The following HPGDS variants were observed in gnomAD, a reference collection of about 807,000 sequenced individuals.
The protein encoded by HPGDS is GST class-sigma.
A neutral mutation model predicts 23.1 loss-of-function variants in HPGDS; 26 were observed. The ratio of observed to expected loss-of-function variants is 1.13; its 90% CI spans 0.83 to 1.56. The LOEUF (loss-of-function observed/expected upper bound fraction) is 1.56. Among genes scored for constraint, HPGDS ranks in the 40% most tolerant of loss-of-function variants. HPGDS has a pLI of 0.00. For missense variants in HPGDS, 268 were observed against 236.4 expected (o/e 1.13, Z -0.88); for synonymous variants, 95 against 77.9 (o/e 1.22, Z -1.16).
chr4:94,338,602 TAAAG>T (rs984046115), intron 1 of HPGDS, among the ~76,000 whole-genome samples: 56 of 152,104 alleles, frequency 3.7e-4, no homozygotes, highest in African/African-American at 1.3e-3. Flanking sequence ...CTTAACCATA[TAAAG>T]AGTCTCTACT....
intron 3 of HPGDS, among the ~76,000 whole-genome samples, chr4:94,316,106 T>G (rs1324875110): frequency 6.6e-6 from 1 of 152,182 alleles, no homozygotes; most frequent in Non-Finnish European, 1.5e-5. Flanking sequence ...TATAGTAGTA[T>G]TGAATAGAAG....
chr4:94,336,088 C>A (rs1216259916), intron 1 of HPGDS, among the ~76,000 whole-genome samples: 1 of 151,948 alleles, frequency 6.6e-6, no homozygotes, highest in Non-Finnish European at 1.5e-5. Flanking sequence ...CGCCTGTAAT[C>A]CCAGCTATTC....
intron 1 of HPGDS, among the ~76,000 whole-genome samples, chr4:94,342,097 A>T (rs949067662): frequency 1.3e-5 from 2 of 152,190 alleles, no homozygotes; most frequent in East Asian, 3.8e-4. Flanking sequence ...ATTTCAATCA[A>T]GCACTGGATG....
chr4:94,324,758 T>C (rs1038556775), intron 2 of HPGDS, among the ~76,000 whole-genome samples: 7 of 152,248 alleles, frequency 4.6e-5, no homozygotes, highest in Admixed American at 3.9e-4. Context: ...AGCCTACTTA[T>C]GTCAACTCGT....
At chr4:94,338,011 T>C in intron 1 of HPGDS, among the ~76,000 whole-genome samples, 1 of 152,250 alleles carries the variant, frequency 6.6e-6, no homozygotes, top group Non-Finnish European at 1.5e-5. Flanking sequence ...AACTCATTAA[T>C]GAAGCTGTAC....
intron 1 of HPGDS, among the ~76,000 whole-genome samples, chr4:94,339,070 TTC>T (rs1165304471): frequency 2.6e-5 from 4 of 152,306 alleles, no homozygotes; most frequent in Non-Finnish European, 4.4e-5. Context: ...GACTAAATGG[TTC>T]TGAGACTGAA....
intron 2 of HPGDS, among the ~76,000 whole-genome samples, chr4:94,331,190 T>C (rs1041101212): frequency 1.3e-5 from 2 of 152,174 alleles, no homozygotes; most frequent in African/African-American, 4.8e-5. Flanking sequence ...ACTTACTAAG[T>C]TAGGTTACAG....
intron 3 of HPGDS, among the ~76,000 whole-genome samples, chr4:94,314,597 TGAG>T (rs1756355474): frequency 6.6e-6 from 1 of 152,158 alleles, no homozygotes; most frequent in East Asian, 1.9e-4. Context: ...GAGACCCACT[TGAG>T]GAGGCAGTCT....
intron 2 of HPGDS, among the ~76,000 whole-genome samples, chr4:94,333,926 A>T: frequency 6.6e-6 from 1 of 152,256 alleles, no homozygotes; most frequent in East Asian, 1.9e-4. Flanking sequence ...AAGTATCATG[A>T]GAATAAGAAA....
At chr4:94,330,104 G>A (rs549581303) in intron 2 of HPGDS, among the ~76,000 whole-genome samples, 5 of 152,316 alleles carry the variant, frequency 3.3e-5, no homozygotes, top group African/African-American at 4.8e-5. Context: ...GGATACCTAC[G>A]TGAGTGGTGA....
rs145475639 is a variant in HPGDS, at chr4:94,329,726, G to C, written c.133+4771C>G. Among the ~76,000 whole-genome samples the C allele has an allele frequency of 4.9e-3, 748 of 152,312 alleles. 3 individuals carry two copies. The highest frequency in any genetic ancestry group is 0.017 in the African/African-American group (706 of 41,570). The stretch of plus-strand genomic sequence containing the variant: ...CTGGAAGTGTTTGAGCCAACCTTGG[G>C]ATAACTGCCCACAACTGGAACACTG... On this transcript the variant is annotated intron_variant, in intron 2 of 5. Coordinates refer to ENST00000295256, the MANE Select transcript of HPGDS (RefSeq NM_014485.3).
chr4:94,311,691 T>C (rs918658153), intron 3 of HPGDS, among the ~76,000 whole-genome samples: 1 of 151,508 alleles, frequency 6.6e-6, no homozygotes, highest in African/African-American at 2.4e-5. Context: ...TTCTATTGAT[T>C]GGAATAGTTT....
intron 3 of HPGDS, among the ~76,000 whole-genome samples, chr4:94,312,973 TG>T: frequency 6.6e-6 from 1 of 152,312 alleles, no homozygotes; most frequent in African/African-American, 2.4e-5. Context: ...GCTTTTTTTT[TG>T]TTTTCCATTT....
chr4:94,309,700 A>G (rs146751988), intron 3 of HPGDS, among the ~76,000 whole-genome samples: 79,408 of 150,552 alleles, frequency 0.53, 21,319 homozygotes, highest in East Asian at 0.69. Flanking sequence ...CTGAGGAATC[A>G]CCACACTGAC....
chr4:94,322,229 T>G (rs1756526707), intron 2 of HPGDS, among the ~76,000 whole-genome samples: 1 of 85,862 alleles, frequency 1.2e-5, no homozygotes, highest in South Asian at 2.7e-4. Context: ...AATTCTCTTT[T>G]TTTTGTGTCT....
rs201837103 is a variant in HPGDS, at chr4:94,340,260, C to CCTTTCTTTCTTTCTTT, written c.-10+2519_-10+2534dup. On this transcript the variant is annotated intron_variant, in intron 1 of 5. Coordinates refer to ENST00000295256, the MANE Select transcript of HPGDS (RefSeq NM_014485.3). ...TGTGAGCCACTGTGCCTGGTCTAAACCTTTCTTTCTTTCTTTCTTTCTTTC... is the reference window on the plus strand; with the variant it reads ...TGTGAGCCACTGTGCCTGGTCTAAACCTTTCTTTCTTTCTTTCTTTCTTTCTTTCTTTCTTTCTTTC... 7.2e-4 allele frequency among the ~76,000 whole-genome samples: 59 copies of CCTTTCTTTCTTTCTTT among 81,522 alleles called. 1 individual carries two copies. The highest frequency in any genetic ancestry group is 3.8e-3 in the East Asian group (7 of 1,860). The allele number at this position is 81,522 out of a possible 152,430, so 53.5% of individuals were successfully genotyped here.
At chr4:94,340,293 C>CTT (rs1560597906) in intron 1 of HPGDS, among the ~76,000 whole-genome samples, 4 of 36,806 alleles carry the variant, frequency 1.1e-4, no homozygotes, top group African/African-American at 1.9e-4. Flanking sequence ...TTCTTTCTTT[C>CTT]TTTCTTTCTT....
rs567413339 is a variant in HPGDS, at chr4:94,319,036, G to C, written c.134-1071C>G. Among the ~76,000 whole-genome samples the C allele has an allele frequency of 2.6e-5, 4 of 152,234 alleles. No homozygotes were observed. The South Asian group carries it at 8.3e-4, about 32-fold the overall frequency. ...CCTATGGATGAAATGTTCTGTAAAT[G>C]TCTGTTAGGTCCATTTGGTCTCTAG... is the stretch of plus-strand genomic sequence containing the variant. On this transcript the variant is annotated intron_variant, in intron 2 of 5. Transcript: ENST00000295256.
intron 1 of HPGDS, 115 bp from the exon 2 acceptor site, chr4:94,334,753 T>C (rs1720960136): frequency 1.1e-6 from 1 of 873,160 alleles, no homozygotes; most frequent in African/African-American, 1.7e-5. Context: ...CTGGAGACAT[T>C]AGAGGATATT....
Sources: gnomAD v4.1 joint callset for allele counts (sites outside exome capture counted in the v4.1 genomes callset) on GRCh38, gnomAD v4.1.1 for gene constraint, MANE v1.5 for transcripts, NCBI Gene and HGNC (gene_info 2026-07-23, HGNC 2026-07-21) for gene names.